Variants in SEC14L1 observed in about 807,000 individuals in gnomAD.
SEC14L1 encodes the protein SEC14 like lipid binding 1.
SEC14L1 carries 48 observed loss-of-function variants against 85.3 expected under a neutral mutation model. That is an observed-to-expected ratio of 0.56 (90% CI 0.45 to 0.72). The LOEUF (loss-of-function observed/expected upper bound fraction) is 0.72, where lower values mean the gene tolerates loss of function less well. Among genes scored for constraint, SEC14L1 ranks in the 30% least tolerant of loss-of-function variants. The pLI is 0.00. For synonymous variants in SEC14L1, 391 were observed against 355.5 expected, an observed-to-expected ratio of 1.10 and a Z score of -1.12; for missense variants, 682 against 921.4, an observed-to-expected ratio of 0.74 and a Z score of 3.36.
At position 77,206,725 on chromosome 17, in the gene SEC14L1, C is replaced by A. The variant is rs368432616; in HGVS notation, c.1342-3C>A. The stretch of plus-strand genomic sequence containing the variant: ...TGACTGCATGGTCTTCTCCTCCTCA[C>A]AGGTTAGTCCGTTCATTGATGACAA... On this transcript the variant is annotated splice_region_variant and splice_polypyrimidine_tract_variant and intron_variant, in intron 12 of 16. Transcript: ENST00000436233. This position sits in a 1 kb window ranked among gnomAD's most constrained non-coding sequence, Gnocchi z 4.3. The A allele has an allele frequency of 1.7e-4, 271 of 1,597,416 alleles. No homozygotes were observed. In the Middle Eastern group the frequency reaches 2.2e-3, roughly 13 times the overall value.
At chr17:77,154,816 C>T (rs960573997) in intron 3 of SEC14L1, among the ~76,000 whole-genome samples, 1 of 152,082 alleles carries the variant, frequency 6.6e-6, no homozygotes, top group African/African-American at 2.4e-5. Flanking sequence ...TACTGATAAG[C>T]GTCCAGTTTG....
intron 3 of SEC14L1, among the ~76,000 whole-genome samples, chr17:77,175,475 A>T (rs1487625033): frequency 6.6e-6 from 1 of 152,258 alleles, no homozygotes; most frequent in African/African-American, 2.4e-5. Context: ...GATTGCACAT[A>T]ACTGTTGCTA....
chr17:77,192,110 A>G (rs1975572913), intron 5 of SEC14L1, among the ~76,000 whole-genome samples: 1 of 152,196 alleles, frequency 6.6e-6, no homozygotes, highest in Non-Finnish European at 1.5e-5. Flanking sequence ...TATTACATTC[A>G]TATGCCACTT....
intron 3 of SEC14L1, chr17:77,099,300 T>A (rs1971714410): frequency 6.6e-6 from 1 of 152,234 alleles, no homozygotes; most frequent in African/African-American, 2.4e-5. Context: ...CGAGGCTCCG[T>A]AAGCCACATT....
At chr17:77,196,374 T>C in intron 8 of SEC14L1, 63 bp downstream of exon 8, 1 of 956,844 alleles carries the variant, frequency 1.0e-6, no homozygotes, top group South Asian at 1.5e-5. Context: ...GGAATCTCTT[T>C]CTGTCATAGT....
At chr17:77,159,263 C>T (rs1476263446) in intron 3 of SEC14L1, among the ~76,000 whole-genome samples, 16 of 151,576 alleles carry the variant, frequency 1.1e-4, no homozygotes, top group African/African-American at 2.2e-4. Context: ...GATGGGGGTT[C>T]GCCCTCTTGG....
chr17:77,181,141 C>G (rs766967471), intron 3 of SEC14L1: 1 of 152,212 alleles, frequency 6.6e-6, no homozygotes, highest in African/African-American at 2.4e-5. Flanking sequence ...AACTGATGTT[C>G]TATAAGTAGG....
intron 2 of SEC14L1, among the ~76,000 whole-genome samples, chr17:77,090,883 G>A (rs1241839576): frequency 2.0e-5 from 3 of 151,130 alleles, no homozygotes; most frequent in African/African-American, 7.3e-5. Flanking sequence ...AGCTACTTGG[G>A]AGGCTGAGGT....
exon 1 of SEC14L1, chr17:77,088,859 G>A (rs1301896424): frequency 6.4e-6 from 1 of 155,172 alleles, no homozygotes; most frequent in African/African-American, 2.4e-5. Context: ...CTCTGCCGGG[G>A]GCTGGAGGCA....
rs930042519 is a variant in SEC14L1 at position 77,212,194 on chromosome 17, G to A, written c.1856G>A (p.Ser619Asn). The change falls in exon 15 of 17, where the codon AGC becomes AAC. Residue 619 changes from serine to asparagine, a missense_variant. Physicochemically the swap from Ser to Asn is conservative, Grantham distance 46. Coordinates refer to ENST00000436233, the MANE Select transcript of SEC14L1 (RefSeq NM_001143998.2). ...ESPLICKEGESVQGSHVTRWP... is the reference protein window; with the variant it reads ...ESPLICKEGENVQGSHVTRWP... ...CCTCTGATCTGCAAAGAAGGAGAAA[G>A]CGTGCAGGTAAAATCACACACAGGT... 9.9e-6 allele frequency: 16 copies of A among 1,613,406 alleles called. No homozygotes were observed. The highest frequency in any genetic ancestry group is 1.3e-5 in the African/African-American group (1 of 74,910).
intron 1 of SEC14L1, among the ~76,000 whole-genome samples, chr17:77,141,888 A>T (rs923684723): frequency 1.3e-5 from 2 of 152,216 alleles, no homozygotes; most frequent in Non-Finnish European, 2.9e-5. Flanking sequence ...TTAAATTTTT[A>T]AAAGATGATT....
At chr17:77,155,717 C>T (rs1222334806) in intron 3 of SEC14L1, among the ~76,000 whole-genome samples, 1 of 152,134 alleles carries the variant, frequency 6.6e-6, no homozygotes, top group Non-Finnish European at 1.5e-5. Context: ...GAAGTGCCTG[C>T]ACCTCATCTT....
At chr17:77,099,907 G>T (rs867669221) in intron 3 of SEC14L1, among the ~76,000 whole-genome samples, 5 of 150,442 alleles carry the variant, frequency 3.3e-5, no homozygotes, top group African/African-American at 1.0e-4. Flanking sequence ...TGCGTTTTTT[G>T]TTGTTTTTTT....
intron 3 of SEC14L1, among the ~76,000 whole-genome samples, chr17:77,164,337 C>T (rs2143650383): frequency 6.6e-6 from 1 of 152,314 alleles, no homozygotes; most frequent in Non-Finnish European, 1.5e-5. Flanking sequence ...CACTCTGAAC[C>T]AATTCTGGTT....
chr17:77,181,852 T>C lies in SEC14L1; in HGVS notation c.64-8951T>C, dbSNP rs78490621. 7.8e-3 allele frequency among the ~76,000 whole-genome samples: 1,190 copies of C among 152,252 alleles called. 19 individuals are homozygous for C. The highest frequency in any genetic ancestry group is 0.027 in the African/African-American group (1,112 of 41,520). On this transcript the variant is annotated intron_variant, in intron 3 of 16. Coordinates refer to ENST00000436233, the MANE Select transcript of SEC14L1 (RefSeq NM_001143998.2). ...AAAGAGCTGTTACTTTGATAGTGTG[T>C]GAATTATAGAATTAGAACTCTGAGG...
intron 13 of SEC14L1, among the ~76,000 whole-genome samples, chr17:77,207,095 T>G (rs1159170028): frequency 6.6e-6 from 1 of 152,236 alleles, no homozygotes; most frequent in African/African-American, 2.4e-5. Context: ...ATTCGTAGAA[T>G]CAAATACGAT....
intron 6 of SEC14L1, 68 bp from the exon 7 acceptor site, chr17:77,194,609 A>G: frequency 7.6e-7 from 1 of 1,307,872 alleles, no homozygotes; most frequent in East Asian, 2.3e-5. Context: ...AAAAAGAAAA[A>G]TCTTGGGAGA....
At chr17:77,119,080 C>T (rs1229057149) in intron 3 of SEC14L1, among the ~76,000 whole-genome samples, 10 of 151,944 alleles carry the variant, frequency 6.6e-5, no homozygotes, top group Admixed American at 5.9e-4. Context: ...GAGGCCGAGA[C>T]GGGTGGATTG....
At chr17:77,102,886 C>T (rs569726859) in intron 3 of SEC14L1, among the ~76,000 whole-genome samples, 2 of 152,224 alleles carry the variant, frequency 1.3e-5, no homozygotes, top group East Asian at 1.9e-4. Context: ...GCTGTGACCT[C>T]GAACTCCTGG....
Sources: allele counts gnomAD v4.1 joint callset (sites outside exome capture counted in the v4.1 genomes callset), GRCh38; gene constraint gnomAD v4.1.1; non-coding constraint Gnocchi (gnomAD v3.1); transcripts MANE v1.5; gene names NCBI Gene and HGNC (gene_info 2026-07-23, HGNC 2026-07-21).